PTPRT: variants seen among roughly 807,000 people sequenced by gnomAD.
The protein encoded by PTPRT is protein tyrosine phosphatase receptor type T, also known as receptor-type tyrosine-protein phosphatase T.
A neutral mutation model predicts 176.8 loss-of-function variants in PTPRT; 56 were observed. The ratio of observed to expected loss-of-function variants is 0.32; its 90% CI spans 0.26 to 0.40. The LOEUF is 0.40. Among genes scored for constraint, PTPRT ranks in the 10% least tolerant of loss-of-function variants. The pLI, the probability that PTPRT is intolerant of heterozygous loss-of-function variation, is 1.00. For synonymous variants in PTPRT, 783 were observed against 739.0 expected (o/e 1.06, Z -0.96); for missense variants, 1,540 against 1,908.2 (o/e 0.81, Z 3.60).
chr20:42,586,970 T>G (rs1234687221), intron 7 of PTPRT, among the ~76,000 whole-genome samples: 1 of 152,166 alleles, frequency 6.6e-6, no homozygotes, highest in Non-Finnish European at 1.5e-5. Flanking sequence ...CTGAATGCCC[T>G]GATGGACCCC....
intron 11 of PTPRT, among the ~76,000 whole-genome samples, chr20:42,344,502 A>G (rs2058158766): frequency 6.6e-6 from 1 of 152,156 alleles, no homozygotes; most frequent in Non-Finnish European, 1.5e-5. Flanking sequence ...GGGAGGCCAC[A>G]GTCTAGCAGA....
At chr20:42,041,458 G>T in the PTPRT span, among the ~76,000 whole-genome samples, 1 of 152,162 alleles carries the variant, frequency 6.6e-6, no homozygotes, top group Non-Finnish European at 1.5e-5. Context: ...CAGTTCTTGG[G>T]TTGGTTTTTC....
chr20:42,531,504 C>G (rs2072384102), intron 7 of PTPRT, among the ~76,000 whole-genome samples: 1 of 152,198 alleles, frequency 6.6e-6, no homozygotes, highest in South Asian at 2.1e-4. Context: ...TCGTCAACAG[C>G]CATTCTCAGG....
chr20:42,699,827 G>A (rs2068954380), intron 6 of PTPRT, among the ~76,000 whole-genome samples: 1 of 152,166 alleles, frequency 6.6e-6, no homozygotes, highest in South Asian at 2.1e-4. Context: ...AAATTTTTCT[G>A]TGATTGTGTT....
intron 1 of PTPRT, among the ~76,000 whole-genome samples, chr20:42,922,084 T>A (rs749941234): frequency 5.3e-4 from 80 of 152,124 alleles, no homozygotes; most frequent in Non-Finnish European, 9.8e-4. Flanking sequence ...TACAGGCGTG[T>A]ACCACCACAC....
chr20:42,289,244 G>A (rs2057280850), intron 12 of PTPRT, among the ~76,000 whole-genome samples: 1 of 152,012 alleles, frequency 6.6e-6, no homozygotes, highest in African/African-American at 2.4e-5. Flanking sequence ...GACCTCAAAA[G>A]CAAATGCAAC....
chr20:42,666,951 A>G lies in PTPRT; in HGVS notation c.1153+10915T>C, dbSNP rs534232663. On this transcript the variant is annotated intron_variant, in intron 7 of 30. Coordinates refer to ENST00000373187, the MANE Select transcript of PTPRT (RefSeq NM_007050.6). ...TCTCTTAGGCATTGAGGCTATAAGAACGTTTTCTTCTGGAAATAAGAAGGT... is the reference window on the plus strand; with the variant it reads ...TCTCTTAGGCATTGAGGCTATAAGAGCGTTTTCTTCTGGAAATAAGAAGGT... Among the ~76,000 whole-genome samples the G allele has an allele frequency of 4.6e-5, 7 of 152,338 alleles. No homozygotes were observed. In the East Asian group the frequency reaches 7.7e-4, roughly 17 times the overall value.
intron 1 of PTPRT, among the ~76,000 whole-genome samples, chr20:43,165,906 G>A (rs762247835): frequency 3.3e-5 from 5 of 152,224 alleles, no homozygotes; most frequent in East Asian, 1.9e-4. Flanking sequence ...AAAGCTCTAC[G>A]GGGCAAGGCA....
intron 2 of PTPRT, among the ~76,000 whole-genome samples, chr20:42,809,776 T>C (rs2077668884): frequency 6.6e-6 from 1 of 152,176 alleles, no homozygotes; most frequent in Non-Finnish European, 1.5e-5. Context: ...GCAGCTATCA[T>C]TGGATTTAGG....
At chr20:42,329,496 C>CACACAT (rs1555825541) in intron 11 of PTPRT, among the ~76,000 whole-genome samples, 1 of 142,548 alleles carries the variant, frequency 7.0e-6, no homozygotes, top group African/African-American at 2.6e-5. Flanking sequence ...CACACACACA[C>CACACAT]ACACACATAC....
chr20:42,967,321 T>C (rs919577699), intron 1 of PTPRT, among the ~76,000 whole-genome samples: 2 of 152,098 alleles, frequency 1.3e-5, no homozygotes, highest in Admixed American at 6.5e-5. Context: ...GGTATTGAGA[T>C]GAGATCATCC....
intron 17 of PTPRT, among the ~76,000 whole-genome samples, chr20:42,152,263 T>G (rs2146462827): frequency 6.6e-6 from 1 of 152,334 alleles, no homozygotes; most frequent in Admixed American, 6.5e-5. Context: ...CCATCTTCTG[T>G]GCTGAAAAGC....
Position 42,419,965 on chromosome 20 carries a change from A to G in PTPRT, c.1560+28255T>C, listed in dbSNP as rs1265685587. Among the ~76,000 whole-genome samples the G allele has an allele frequency of 2.0e-5, 3 of 152,220 alleles. No homozygotes were observed. The East Asian group carries it at 5.8e-4, about 30-fold the overall frequency. On this transcript the variant is annotated intron_variant, in intron 9 of 30. Transcript: ENST00000373187. ...CCCAGGATGCCAAGGATTGCTCATAACAGCAGAAGCTGTGAAAAAGCCACG... is the reference window on the plus strand; with the variant it reads ...CCCAGGATGCCAAGGATTGCTCATAGCAGCAGAAGCTGTGAAAAAGCCACG...
chr20:42,976,783 T>C (rs1982981001), intron 1 of PTPRT, among the ~76,000 whole-genome samples: 1 of 152,222 alleles, frequency 6.6e-6, no homozygotes, highest in African/African-American at 2.4e-5. Context: ...TAAAGGCTCT[T>C]GATATTTCTT....
At chr20:42,101,998 T>C in intron 26 of PTPRT, 126 bp downstream of exon 26, 1 of 1,136,418 alleles carries the variant, frequency 8.8e-7, no homozygotes, top group East Asian at 2.5e-5. Flanking sequence ...TCCTTGGGAC[T>C]AGTAGATCAG....
intron 1 of PTPRT, among the ~76,000 whole-genome samples, chr20:43,045,289 CATTAGAG>C (rs1986785552): frequency 6.6e-6 from 1 of 152,186 alleles, no homozygotes; most frequent in East Asian, 1.9e-4. Context: ...CAGTTAATTT[CATTAGAG>C]CTAACTGGTA....
Position 42,077,202 on chromosome 20 carries a change from A to C in PTPRT, c.*3677T>G, listed in dbSNP as rs1047347816. 2.2e-5 allele frequency: 4 copies of C among 185,458 alleles called. No homozygotes were observed. The highest frequency in any genetic ancestry group is 4.6e-5 in the Non-Finnish European group (4 of 87,730). The allele number at this position is 185,458 out of a possible 1,614,324, so 11.5% of individuals were successfully genotyped here. A position where few individuals can be genotyped will look rare whatever the true frequency, so the allele number is the denominator to read the frequency against. On this transcript the variant is annotated 3_prime_UTR_variant, in exon 31 of 31. Transcript: ENST00000373187. ...CACCCACAGAGAGGGCCAGCACTAA[A>C]AGCAAACTGTCCCCTTCCATTCCCA...
chr20:42,839,795 G>T (rs1400107751), intron 2 of PTPRT, among the ~76,000 whole-genome samples: 1 of 152,078 alleles, frequency 6.6e-6, no homozygotes, highest in African/African-American at 2.4e-5. Flanking sequence ...TCTAGGTTGT[G>T]GTTTGCAAAT....
chr20:42,710,703 C>G (rs2076131586), intron 6 of PTPRT, among the ~76,000 whole-genome samples: 1 of 152,244 alleles, frequency 6.6e-6, no homozygotes, highest in African/African-American at 2.4e-5. Flanking sequence ...GATTCCCCAC[C>G]AGGGTACTGC....
Sources: allele counts gnomAD v4.1 joint callset (sites outside exome capture counted in the v4.1 genomes callset), GRCh38; gene constraint gnomAD v4.1.1; transcripts MANE v1.5; gene names NCBI Gene and HGNC (gene_info 2026-07-23, HGNC 2026-07-21).